PRKG1: variants seen among roughly 807,000 people sequenced by gnomAD.
The protein encoded by PRKG1 is cGMP-dependent protein kinase 1.
PRKG1 carries 35 observed loss-of-function variants against 88.1 expected under a neutral mutation model. The ratio of observed to expected loss-of-function variants is 0.40; its 90% CI spans 0.30 to 0.53. PRKG1 has a LOEUF of 0.53. Among genes scored for constraint, PRKG1 ranks in the 20% least tolerant of loss-of-function variants. The probability of loss-of-function intolerance (pLI) is 0.59; values close to 1 mark genes in which losing one functional copy is unlikely to be tolerated. For missense variants in PRKG1, 540 were observed against 839.8 expected (o/e 0.64, Z 4.41); for synonymous variants, 303 against 292.5 (o/e 1.04, Z -0.37).
At chr10:51,089,969 C>A (rs2879548) in intron 1 of PRKG1, among the ~76,000 whole-genome samples, 5,322 of 152,212 alleles carry the variant, frequency 0.035, 118 homozygotes, top group Middle Eastern at 0.058. Context: ...TTCAGCAATG[C>A]ATTTATGGAA....
At chr10:51,971,014 A>G (rs891265562) in intron 5 of PRKG1, among the ~76,000 whole-genome samples, 1 of 151,734 alleles carries the variant, frequency 6.6e-6, no homozygotes, top group Admixed American at 6.6e-5. Context: ...CCACACAGCA[A>G]TGGAAAGGAA....
At chr10:52,069,854 A>G (rs1259827816) in intron 7 of PRKG1, among the ~76,000 whole-genome samples, 3 of 152,088 alleles carry the variant, frequency 2.0e-5, no homozygotes, top group African/African-American at 7.2e-5. Flanking sequence ...ATTCTCGGTC[A>G]ATATATTATT....
At chr10:52,028,954 A>G (rs1203662453) in intron 5 of PRKG1, among the ~76,000 whole-genome samples, 1 of 152,160 alleles carries the variant, frequency 6.6e-6, no homozygotes, top group Non-Finnish European at 1.5e-5. Context: ...CTATTTCACA[A>G]AAGACCCTTG....
chr10:51,677,838 G>T (rs982842467), intron 3 of PRKG1, among the ~76,000 whole-genome samples: 1 of 152,150 alleles, frequency 6.6e-6, no homozygotes, highest in African/African-American at 2.4e-5. Context: ...CCTGGTTTGC[G>T]CATCAGAAGG....
chr10:51,099,895 T>A (rs148626468), intron 1 of PRKG1, among the ~76,000 whole-genome samples: 1 of 152,138 alleles, frequency 6.6e-6, no homozygotes, highest in African/African-American at 2.4e-5. Flanking sequence ...TTTGTGTTTA[T>A]TTTTATTTTT....
intron 2 of PRKG1, among the ~76,000 whole-genome samples, chr10:51,441,932 C>T (rs769282115): frequency 2.8e-4 from 42 of 151,808 alleles, no homozygotes; most frequent in Non-Finnish European, 3.7e-4. Context: ...TTTCACATTT[C>T]GGCATCTGTC....
intron 5 of PRKG1, among the ~76,000 whole-genome samples, chr10:52,038,221 A>G (rs1374851418): frequency 1.3e-5 from 2 of 151,928 alleles, no homozygotes; most frequent in Non-Finnish European, 2.9e-5. Context: ...AGAAGGAGGA[A>G]TGAAGGGTGG....
At chr10:51,246,468 G>T (rs1234967635) in intron 2 of PRKG1, among the ~76,000 whole-genome samples, 67 of 151,552 alleles carry the variant, frequency 4.4e-4, no homozygotes, top group Admixed American at 4.4e-3. Context: ...TTCACATATT[G>T]TCTGTGACTA....
At chr10:51,867,774 C>T (rs1398121487) in intron 4 of PRKG1, among the ~76,000 whole-genome samples, 3 of 152,100 alleles carry the variant, frequency 2.0e-5, no homozygotes, top group Non-Finnish European at 4.4e-5. Flanking sequence ...AGAGTGAATA[C>T]TGAATTGTAA....
At chr10:51,581,482 CT>C (rs1279717073) in intron 3 of PRKG1, among the ~76,000 whole-genome samples, 1 of 152,056 alleles carries the variant, frequency 6.6e-6, no homozygotes, top group Non-Finnish European at 1.5e-5. Flanking sequence ...ACAGGTGCCC[CT>C]CATGCGTCTG....
chr10:51,387,125 A>G (rs1837271987), intron 2 of PRKG1, among the ~76,000 whole-genome samples: 1 of 151,906 alleles, frequency 6.6e-6, no homozygotes, highest in African/African-American at 2.4e-5. Flanking sequence ...GAGAGCAGCC[A>G]ATCATCTGGC....
chr10:51,544,638 TC>T (rs1196112703), intron 3 of PRKG1, among the ~76,000 whole-genome samples: 1 of 152,126 alleles, frequency 6.6e-6, no homozygotes, highest in Non-Finnish European at 1.5e-5. Flanking sequence ...CACACTGTCT[TC>T]CACAATTGTT....
chr10:51,034,644 G>A (rs1478013617), intron 1 of PRKG1, among the ~76,000 whole-genome samples: 8 of 69,468 alleles, frequency 1.2e-4, no homozygotes, highest in East Asian at 9.8e-4. Context: ...AATCAAATAA[G>A]CAAAATTATA....
intron 5 of PRKG1, among the ~76,000 whole-genome samples, chr10:52,000,061 G>A (rs1589502514): frequency 6.6e-6 from 1 of 151,640 alleles, no homozygotes; most frequent in African/African-American, 2.4e-5. Flanking sequence ...TTCCTTTATT[G>A]TTGTTCCATA....
chr10:51,930,658 T>C lies in PRKG1; in HGVS notation c.762+23088T>C, dbSNP rs376816995. Among the ~76,000 whole-genome samples the C allele has an allele frequency of 6.6e-5, 10 of 151,804 alleles. No homozygotes were observed. The East Asian group carries it at 1.8e-3, about 27-fold the overall frequency. On this transcript the variant is annotated intron_variant, in intron 5 of 17. Transcript: ENST00000373980. ...GGCATGTGCCATCATGCCCAGCTAG[T>C]TTTTGTATTTTTAGTAGAGACGGGG...
At chr10:52,273,051 T>C (rs1340343319) in intron 12 of PRKG1, among the ~76,000 whole-genome samples, 2 of 152,050 alleles carry the variant, frequency 1.3e-5, no homozygotes, top group Admixed American at 1.3e-4. Context: ...ATGTAAATTA[T>C]CTGATTTAGA....
At chr10:52,033,980 T>A (rs1032641196) in intron 5 of PRKG1, among the ~76,000 whole-genome samples, 3 of 72,502 alleles carry the variant, frequency 4.1e-5, no homozygotes, top group African/African-American at 1.4e-4. Context: ...TCAGTGGGGG[T>A]GCTTTTTGAG....
chr10:51,313,522 C>T (rs1056100616), intron 2 of PRKG1, among the ~76,000 whole-genome samples: 1 of 152,152 alleles, frequency 6.6e-6, no homozygotes, highest in Non-Finnish European at 1.5e-5. Context: ...ATCAGAGTAA[C>T]TTCTTTGGAC....
chr10:51,789,783 G>A (rs930670001), intron 3 of PRKG1, among the ~76,000 whole-genome samples: 2 of 152,034 alleles, frequency 1.3e-5, no homozygotes, highest in Admixed American at 1.3e-4. Context: ...CTGTATGCCA[G>A]TTTTCTTGTC....
Sources: gnomAD v4.1 joint callset for allele counts (sites outside exome capture counted in the v4.1 genomes callset) on GRCh38, gnomAD v4.1.1 for gene constraint, MANE v1.5 for transcripts, NCBI Gene and HGNC (gene_info 2026-07-23, HGNC 2026-07-21) for gene names.